The following HNMT variants were observed in gnomAD, a reference collection of about 807,000 sequenced individuals.
HNMT encodes histamine N-methyltransferase.
A neutral mutation model predicts 32.1 loss-of-function variants in HNMT; 30 were observed. The observed-to-expected ratio is 0.93, with a 90% CI of 0.70 to 1.27. HNMT has a LOEUF of 1.27. Ranked by LOEUF, HNMT falls within the 50% of genes most tolerant of loss-of-function variation. HNMT has a pLI of 0.00. For missense variants in HNMT, 327 were observed against 346.0 expected (o/e 0.95, Z 0.43); for synonymous variants, 125 against 119.0 (o/e 1.05, Z -0.33).
chr2:138,006,359 T>C (rs1681331750), intron 5 of HNMT, among the ~76,000 whole-genome samples: 2 of 152,008 alleles, frequency 1.3e-5, no homozygotes. Context: ...AAAAGTATTG[T>C]AGACGGAAAT....
At chr2:137,995,091 A>G (rs1322527637) in intron 2 of HNMT, among the ~76,000 whole-genome samples, 1 of 152,104 alleles carries the variant, frequency 6.6e-6, no homozygotes, top group Non-Finnish European at 1.5e-5. Flanking sequence ...ACACCCTAAC[A>G]TCACAATTAA....
chr2:137,992,224 T>G (rs1680842970), intron 2 of HNMT, among the ~76,000 whole-genome samples: 1 of 152,170 alleles, frequency 6.6e-6, no homozygotes, highest in African/African-American at 2.4e-5. Flanking sequence ...TGACCAGAAC[T>G]GGGTGTGGCT....
chr2:137,967,181 C>A (rs114017045), intron 1 of HNMT: 1 of 755,986 alleles, frequency 1.3e-6, no homozygotes. Flanking sequence ...GAGGCTGAGG[C>A]GGGAGGATTA....
chr2:137,990,612 GA>G (rs1455755230), intron 2 of HNMT, among the ~76,000 whole-genome samples: 1 of 152,050 alleles, frequency 6.6e-6, no homozygotes, highest in East Asian at 1.9e-4. Flanking sequence ...ATTTCTGAGG[GA>G]TACTGAAAAG....
At position 138,014,244 on chromosome 2, in the gene HNMT, G is replaced by A. The variant is rs1343808585; in HGVS notation, c.*114G>A. ...ATTAATGTAGATAAAGCACTGTTTG[G>A]ATATGAGATGTAGCAAATTCCAATA... On this transcript the variant is annotated 3_prime_UTR_variant, in exon 6 of 6. Transcript: ENST00000280097. 9.2e-5 allele frequency: 64 copies of A among 696,210 alleles called. 3 individuals carry two copies. The South Asian group carries it at 1.2e-3, about 13-fold the overall frequency. The allele number at this position is 696,210 out of a possible 1,614,324, so 43.1% of individuals were successfully genotyped here. A position where few individuals can be genotyped will look rare whatever the true frequency, so the allele number is the denominator to read the frequency against.
At chr2:137,972,064 A>AGAG (rs1680154424) in intron 2 of HNMT, among the ~76,000 whole-genome samples, 1 of 152,106 alleles carries the variant, frequency 6.6e-6, no homozygotes, top group African/African-American at 2.4e-5. Context: ...AAGATAACTA[A>AGAG]GAGCTCTCTA....
rs965281299 is a variant in HNMT at position 138,015,188 on chromosome 2, G to A, written c.*1058G>A. On this transcript the variant is annotated 3_prime_UTR_variant, in exon 6 of 6. Coordinates refer to ENST00000280097, the MANE Select transcript of HNMT (RefSeq NM_006895.3). ...GGGGGGTTTTGAAAACAAATTTGAT[G>A]TTTCTTATTTTTAATAATAACGCTC... The A allele has an allele frequency of 2.0e-5, 3 of 151,900 alleles. No homozygotes were observed. The highest frequency in any genetic ancestry group is 2.1e-4 in the South Asian group (1 of 4,814). The allele number at this position is 151,900 out of a possible 1,614,324, so 9.4% of individuals were successfully genotyped here. A position where few individuals can be genotyped will look rare whatever the true frequency, so the allele number is the denominator to read the frequency against.
intron 2 of HNMT, among the ~76,000 whole-genome samples, chr2:137,992,215 G>A (rs947799271): frequency 1.3e-5 from 2 of 152,226 alleles, no homozygotes; most frequent in South Asian, 4.1e-4. Context: ...AGGGAGGGGT[G>A]ACCAGAACTG....
rs1243247664 is a variant in HNMT at position 138,014,258 on chromosome 2, C to G, written c.*128C>G. The G allele has an allele frequency of 1.6e-6, 1 of 643,768 alleles. No individual in the cohort carries two copies. Among genetic ancestry groups the G allele is most frequent in the African/African-American group, 1.8e-5 (1 of 54,614 alleles). 39.9% of individuals were successfully genotyped at this position (643,768 alleles called of 1,614,324 possible). On this transcript the variant is annotated 3_prime_UTR_variant, in exon 6 of 6. Transcript: ENST00000280097. ...AGCACTGTTTGGATATGAGATGTAGCAAATTCCAATACATTATTGGACTTC... is the reference window on the plus strand; with the variant it reads ...AGCACTGTTTGGATATGAGATGTAGGAAATTCCAATACATTATTGGACTTC...
In HNMT at chr2:137,981,251, C is replaced by A. The variant is rs138107961; in HGVS notation, c.190+11034C>A. On this transcript the variant is annotated intron_variant, in intron 2 of 5. Coordinates refer to ENST00000280097, the MANE Select transcript of HNMT (RefSeq NM_006895.3). Reference sequence around the variant, plus strand: ...TCGGGGAAGCTCCAGGGTTCTCAAGCGGAATTCGTGTTTCATTTTGTGTAG... The same window carrying A: ...TCGGGGAAGCTCCAGGGTTCTCAAGAGGAATTCGTGTTTCATTTTGTGTAG... The A allele has an allele frequency of 3.1e-6, 5 of 1,613,414 alleles. No individual in the cohort carries two copies. The South Asian group carries it at 5.5e-5, about 18-fold the overall frequency.
At chr2:138,004,436 G>A (rs1017286527) in intron 4 of HNMT, among the ~76,000 whole-genome samples, 4 of 152,006 alleles carry the variant, frequency 2.6e-5, no homozygotes, top group Non-Finnish European at 5.9e-5. Context: ...TGTCTATGGG[G>A]GTGGGGTCCA....
chr2:138,000,623 A>C (rs745698826), intron 2 of HNMT, among the ~76,000 whole-genome samples: 85 of 152,022 alleles, frequency 5.6e-4, no homozygotes, highest in Non-Finnish European at 4.4e-4. Context: ...TGAAACAAAA[A>C]TAAGGGTTAA....
chr2:137,975,740 G>A (rs1422843068), intron 2 of HNMT, among the ~76,000 whole-genome samples: 1 of 152,158 alleles, frequency 6.6e-6, no homozygotes, highest in Non-Finnish European at 1.5e-5. Context: ...CTAGGAGGTG[G>A]CAGGAAGCAA....
At chr2:137,982,013 C>T (rs1680517659) in intron 2 of HNMT, among the ~76,000 whole-genome samples, 1 of 152,126 alleles carries the variant, frequency 6.6e-6, no homozygotes, top group African/African-American at 2.4e-5. Flanking sequence ...GCCACCACGC[C>T]CAGATAATTT....
chr2:137,972,912 C>T (rs1368197452), intron 2 of HNMT, among the ~76,000 whole-genome samples: 2 of 152,232 alleles, frequency 1.3e-5, no homozygotes, highest in South Asian at 2.1e-4. Context: ...GAGAAAGGAA[C>T]GTTTGGCCTG....
At chr2:137,976,810 A>G (rs1680301847) in intron 2 of HNMT, among the ~76,000 whole-genome samples, 1 of 152,202 alleles carries the variant, frequency 6.6e-6, no homozygotes, top group Admixed American at 6.5e-5. Context: ...TTCATAAATA[A>G]TTTTACCAAA....
intron 2 of HNMT, among the ~76,000 whole-genome samples, chr2:137,974,545 T>C (rs1680230301): frequency 6.6e-6 from 1 of 152,172 alleles, no homozygotes; most frequent in Non-Finnish European, 1.5e-5. Context: ...CCTGAAAACA[T>C]GTTCCAGAAA....
At chr2:138,004,868 C>T (rs1390154561) in intron 4 of HNMT, among the ~76,000 whole-genome samples, 1 of 152,088 alleles carries the variant, frequency 6.6e-6, no homozygotes, top group Non-Finnish European at 1.5e-5. Flanking sequence ...CTATAAATGT[C>T]TGTGCTATGG....
At chr2:138,006,961 T>C (rs2104983418) in intron 5 of HNMT, among the ~76,000 whole-genome samples, 1 of 152,168 alleles carries the variant, frequency 6.6e-6, no homozygotes, top group East Asian at 1.9e-4. Context: ...TTAACCAAAG[T>C]ATTTGATGAT....
Sources: allele counts gnomAD v4.1 joint callset (sites outside exome capture counted in the v4.1 genomes callset), GRCh38; gene constraint gnomAD v4.1.1; transcripts MANE v1.5; gene names NCBI Gene and HGNC (gene_info 2026-07-23, HGNC 2026-07-21).